Variants in LIMA1 observed in about 807,000 individuals in gnomAD.
LIMA1 encodes LIM domain and actin-binding protein 1.
Under a neutral mutation model 62.6 loss-of-function variants are expected in LIMA1, and 52 were observed. That is an observed-to-expected ratio of 0.83 (90% CI 0.67 to 1.05). The LOEUF (loss-of-function observed/expected upper bound fraction) is 1.05. Among genes scored for constraint, LIMA1 ranks in the 50% least tolerant of loss-of-function variants. The pLI, the probability that LIMA1 is intolerant of heterozygous loss-of-function variation, is 0.00. For missense variants in LIMA1, 780 were observed against 902.2 expected (o/e 0.86, Z 1.74); for synonymous variants, 302 against 317.8 (o/e 0.95, Z 0.53).
At chr12:50,235,020 C>T (rs760888105) in intron 2 of LIMA1, among the ~76,000 whole-genome samples, 4 of 152,016 alleles carry the variant, frequency 2.6e-5, no homozygotes, top group East Asian at 1.9e-4. Flanking sequence ...CTTGCCTTGA[C>T]CTCCAGGACT....
intron 2 of LIMA1, among the ~76,000 whole-genome samples, chr12:50,238,226 G>T (rs1941723715): frequency 1.3e-5 from 2 of 152,120 alleles, no homozygotes; most frequent in Non-Finnish European, 1.5e-5. Flanking sequence ...CTTTTCTGAG[G>T]CTTGGCATGG....
intron 1 of LIMA1, among the ~76,000 whole-genome samples, chr12:50,280,224 C>T (rs1942324209): frequency 7.1e-6 from 1 of 140,920 alleles, no homozygotes; most frequent in African/African-American, 2.7e-5. Context: ...GCGCGATCTC[C>T]GCTCACTGCA....
At chr12:50,205,794 C>CAAAAAA (rs5798132) in intron 5 of LIMA1, among the ~76,000 whole-genome samples, 190 bp downstream of exon 5, 1 of 80,178 alleles carries the variant, frequency 1.2e-5, no homozygotes, top group Non-Finnish European at 2.5e-5. Flanking sequence ...ACTTCCGTCT[C>CAAAAAA]AAAAAAAAAA....
rs1940333773 is a variant in LIMA1 at position 50,176,340 on chromosome 12, G to T, written c.*724C>A. The stretch of plus-strand genomic sequence containing the variant: ...CCAGAAAAGAAAGCAATCATTTGGA[G>T]TACAGTAAATTCACTGGCAGATACA... On this transcript the variant is annotated 3_prime_UTR_variant, in exon 11 of 11. Transcript: ENST00000341247. 6.6e-6 allele frequency: 1 copy of T among 152,208 alleles called. No homozygotes were observed. The highest frequency in any genetic ancestry group is 1.5e-5 in the Non-Finnish European group (1 of 68,030). 9.4% of individuals were successfully genotyped at this position (152,208 alleles called of 1,614,324 possible).
chr12:50,192,367 T>C (rs1488444328), intron 9 of LIMA1, 85 bp downstream of exon 9: 22 of 975,920 alleles, frequency 2.3e-5, no homozygotes, highest in Non-Finnish European at 3.3e-5. Flanking sequence ...AACCAGGTTA[T>C]AATCAACATC....
chr12:50,241,814 T>G (rs1941779828), intron 2 of LIMA1, among the ~76,000 whole-genome samples: 1 of 151,956 alleles, frequency 6.6e-6, no homozygotes, highest in Non-Finnish European at 1.5e-5. Flanking sequence ...AGCATTCTTC[T>G]GACACAAAAT....
In LIMA1 at chr12:50,204,719, C is replaced by CA; in HGVS notation, c.716-20dup. ...AACTGACCTGGAAGCATCCAAATAA[C>CA]ATGTTTTATTTTATTTCTGAGATGG... On this transcript the variant is annotated intron_variant, in intron 5 of 10. Coordinates refer to ENST00000341247, the MANE Select transcript of LIMA1 (RefSeq NM_016357.5). The CA allele has an allele frequency of 1.2e-6, 2 of 1,612,654 alleles. No homozygotes were observed. Among genetic ancestry groups the CA allele is most frequent in the Non-Finnish European group, 1.7e-6 (2 of 1,179,110 alleles).
chr12:50,242,361 GTTTTT>G (rs922030578), intron 2 of LIMA1, among the ~76,000 whole-genome samples: 15 of 143,652 alleles, frequency 1.0e-4, no homozygotes, highest in African/African-American at 3.8e-4. Flanking sequence ...AACGCTCTTT[GTTTTT>G]TTTTTTTAAG....
intron 1 of LIMA1, among the ~76,000 whole-genome samples, chr12:50,268,410 T>C (rs912014243): frequency 2.0e-5 from 3 of 152,052 alleles, no homozygotes; most frequent in African/African-American, 7.3e-5. Context: ...CATGTTAATT[T>C]TTGCAGACCC....
intron 7 of LIMA1, among the ~76,000 whole-genome samples, chr12:50,199,830 A>AT (rs906740495): frequency 5.9e-5 from 9 of 152,094 alleles, no homozygotes; most frequent in African/African-American, 1.7e-4. Flanking sequence ...TTTTTATTTT[A>AT]TTTTTGTAAA....
chr12:50,207,088 C>T (rs1315877823), intron 4 of LIMA1, among the ~76,000 whole-genome samples: 1 of 152,112 alleles, frequency 6.6e-6, no homozygotes, highest in African/African-American at 2.4e-5. Context: ...CCATGCTCAG[C>T]TAATTTTTAT....
chr12:50,224,037 CA>C (rs1000536553), intron 3 of LIMA1, among the ~76,000 whole-genome samples: 60 of 132,022 alleles, frequency 4.5e-4, no homozygotes, highest in South Asian at 1.5e-3. Flanking sequence ...GACTCTGTCT[CA>C]AAAAAAAAAA....
chr12:50,267,551 C>T (rs1193601315), intron 1 of LIMA1, among the ~76,000 whole-genome samples: 8 of 145,826 alleles, frequency 5.5e-5, no homozygotes, highest in African/African-American at 7.6e-5. Flanking sequence ...GACAGAGTCT[C>T]GCTCTGTCGC....
chr12:50,181,519 T>C (rs540930400), intron 10 of LIMA1, among the ~76,000 whole-genome samples: 24 of 152,190 alleles, frequency 1.6e-4, no homozygotes, highest in Non-Finnish European at 3.2e-4. Context: ...GGGGCTATTA[T>C]TATTGCCATT....
At chr12:50,184,778 G>A (rs1242917928) in intron 9 of LIMA1, among the ~76,000 whole-genome samples, 2 of 152,146 alleles carry the variant, frequency 1.3e-5, no homozygotes, top group Non-Finnish European at 2.9e-5. Context: ...GTATTTATCA[G>A]ATTAAAAATC....
chr12:50,248,999 A>T (rs1457901902), intron 1 of LIMA1, among the ~76,000 whole-genome samples: 1 of 152,224 alleles, frequency 6.6e-6, no homozygotes, highest in African/African-American at 2.4e-5. Context: ...GTTCCATTTT[A>T]TGACTGACCC....
intron 5 of LIMA1, 56 bp from the exon 6 acceptor site, chr12:50,204,756 A>G (rs1262154290): frequency 3.8e-6 from 6 of 1,560,852 alleles, no homozygotes; most frequent in Admixed American, 3.4e-5. Context: ...GTCTCACTCT[A>G]TCACCCAGGC....
At chr12:50,226,711 C>T (rs141727075) in intron 3 of LIMA1, among the ~76,000 whole-genome samples, 2,123 of 151,944 alleles carry the variant, frequency 0.014, 46 homozygotes, top group African/African-American at 0.049. Context: ...TGGTGGCGTG[C>T]GCCTGTAATC....
chr12:50,242,396 C>T (rs1453019901), intron 2 of LIMA1, among the ~76,000 whole-genome samples: 1 of 151,592 alleles, frequency 6.6e-6, no homozygotes, highest in Non-Finnish European at 1.5e-5. Context: ...CACTCTGTCA[C>T]CCAGGCTGGA....
Sources: allele counts gnomAD v4.1 joint callset (sites outside exome capture counted in the v4.1 genomes callset), GRCh38; gene constraint gnomAD v4.1.1; transcripts MANE v1.5; gene names NCBI Gene and HGNC (gene_info 2026-07-23, HGNC 2026-07-21).